Variants in FAM162A observed in about 807,000 individuals in gnomAD.
FAM162A encodes the protein family with sequence similarity 162 member A.
FAM162A carries 23 observed loss-of-function variants against 21.8 expected under a neutral mutation model. That is an observed-to-expected ratio of 1.05 (90% CI 0.76 to 1.49). The LOEUF (loss-of-function observed/expected upper bound fraction) is 1.49. Ranked by LOEUF, FAM162A falls within the 40% of genes most tolerant of loss-of-function variation. The pLI, the probability that FAM162A is intolerant of heterozygous loss-of-function variation, is 0.00. For synonymous variants in FAM162A, 53 were observed against 61.3 expected (o/e 0.86, Z 0.64); for missense variants, 165 against 186.4 (o/e 0.89, Z 0.67).
chr3:122,389,167 TGAA>T (rs2075587974), intron 1 of FAM162A, among the ~76,000 whole-genome samples: 2 of 152,108 alleles, frequency 1.3e-5, no homozygotes, highest in African/African-American at 4.8e-5. Context: ...GGTGGTGAAG[TGAA>T]GTAGTAGATA....
chr3:122,389,752 C>T (rs2075592393), intron 1 of FAM162A, among the ~76,000 whole-genome samples: 1 of 152,112 alleles, frequency 6.6e-6, no homozygotes, highest in Admixed American at 6.5e-5. Context: ...TAGGAAAGGT[C>T]TGAAAAGAAA....
chr3:122,409,012 C>T (rs1183730592), intron 4 of FAM162A, among the ~76,000 whole-genome samples: 1 of 151,980 alleles, frequency 6.6e-6, no homozygotes, highest in Non-Finnish European at 1.5e-5. Flanking sequence ...CTTTCTCCCC[C>T]CGCTCCCCCA....
At chr3:122,391,720 A>G (rs1172153170) in intron 1 of FAM162A, among the ~76,000 whole-genome samples, 1 of 152,164 alleles carries the variant, frequency 6.6e-6, no homozygotes, top group Non-Finnish European at 1.5e-5. Flanking sequence ...CCTTCTCTTT[A>G]TGGGCTCTAG....
chr3:122,399,669 G>C (rs1463324482), intron 1 of FAM162A, among the ~76,000 whole-genome samples: 2 of 152,150 alleles, frequency 1.3e-5, no homozygotes. Flanking sequence ...GGGTCTAATG[G>C]TAGTTCTGTT....
intron 1 of FAM162A, among the ~76,000 whole-genome samples, chr3:122,391,689 A>G (rs979726270): frequency 1.3e-5 from 2 of 152,196 alleles, no homozygotes; most frequent in Non-Finnish European, 1.5e-5. Flanking sequence ...CCCATTATTC[A>G]TTCTGTTCTG....
chr3:122,404,306 A>C lies in FAM162A; in HGVS notation c.206A>C (p.Lys69Thr). 1 of 1,609,600 alleles carries C rather than the reference A, an allele frequency of 6.2e-7. No homozygotes were observed. The highest frequency in any genetic ancestry group is 1.1e-5 in the South Asian group (1 of 90,324). Residue 69 changes from lysine to threonine, a missense_variant, in exon 3 of 5, where the codon AAG becomes ACG. Lys to Thr is a moderately conservative substitution (Grantham distance 78). Transcript: ENST00000477892. ...CACAAACCTACGGATTGGCAGAAAA[A>C]GATCCTCATATGGTCAGGTCGCTTC... ...PLHKPTDWQKKILIWSGRFKK... is the reference protein window; with the variant it reads ...PLHKPTDWQKTILIWSGRFKK...
intron 1 of FAM162A, among the ~76,000 whole-genome samples, chr3:122,391,055 T>C (rs1407234564): frequency 6.6e-6 from 1 of 152,216 alleles, no homozygotes; most frequent in Non-Finnish European, 1.5e-5. Flanking sequence ...TTCTGTCTCT[T>C]TGAGAGAAAA....
chr3:122,397,118 GTAT>G (rs2075632100), intron 1 of FAM162A, among the ~76,000 whole-genome samples: 2 of 152,168 alleles, frequency 1.3e-5, no homozygotes, highest in South Asian at 2.1e-4. Flanking sequence ...ATCAATAAAA[GTAT>G]TATTTTAAAA....
rs1035395971 is a variant in FAM162A, at chr3:122,393,829, G to A, written c.35-8931G>A. Among the ~76,000 whole-genome samples the A allele has an allele frequency of 2.0e-5, 3 of 152,164 alleles. No individual in the cohort carries two copies. The East Asian group carries it at 5.8e-4, about 29-fold the overall frequency. The stretch of plus-strand genomic sequence containing the variant: ...GTGTAAGGTTGGACACATTTTCCAG[G>A]AAAAACCTGAGAGGTCTCTAAGCTC... On this transcript the variant is annotated intron_variant, in intron 1 of 4. Transcript: ENST00000477892.
At chr3:122,384,558 C>T (rs894400410) in intron 1 of FAM162A, among the ~76,000 whole-genome samples, 5 of 152,104 alleles carry the variant, frequency 3.3e-5, no homozygotes, top group African/African-American at 7.2e-5. Context: ...CGCGCCTACC[C>T]TTCTCCCCAC....
At chr3:122,392,547 T>A (rs377168981) in intron 1 of FAM162A, among the ~76,000 whole-genome samples, 11 of 152,330 alleles carry the variant, frequency 7.2e-5, no homozygotes, top group African/African-American at 2.6e-4. Flanking sequence ...CAAAGTATAG[T>A]CCAGAACCAG....
chr3:122,384,544 C>A (rs2075564501), intron 1 of FAM162A, among the ~76,000 whole-genome samples: 2 of 152,142 alleles, frequency 1.3e-5, no homozygotes, highest in South Asian at 4.1e-4. Flanking sequence ...AACTTAACTG[C>A]CCACGCGCCT....
intron 1 of FAM162A, among the ~76,000 whole-genome samples, chr3:122,398,808 T>TA (rs1250945818): frequency 1.3e-5 from 2 of 152,220 alleles, no homozygotes; most frequent in Non-Finnish European, 2.9e-5. Context: ...ATTATATTAG[T>TA]ATTTCAGATA....
In FAM162A at chr3:122,384,238, G is replaced by C. The variant is rs1378975862; in HGVS notation, c.-28G>C. The C allele has an allele frequency of 1.9e-6, 3 of 1,563,574 alleles. No homozygotes were observed. The highest frequency in any genetic ancestry group is 2.6e-6 in the Non-Finnish European group (3 of 1,154,382). On this transcript the variant is annotated 5_prime_UTR_variant, in exon 1 of 5. Coordinates refer to ENST00000477892, the MANE Select transcript of FAM162A (RefSeq NM_014367.4). ...GCGCCACCGTCCCCGGCGAAGTTCTGCGCTGGTCGGCGGAGTAGCAAGTGG... is the reference window on the plus strand; with the variant it reads ...GCGCCACCGTCCCCGGCGAAGTTCTCCGCTGGTCGGCGGAGTAGCAAGTGG...
intron 1 of FAM162A, among the ~76,000 whole-genome samples, chr3:122,393,100 T>A (rs2075611409): frequency 6.6e-6 from 1 of 152,180 alleles, no homozygotes; most frequent in South Asian, 2.1e-4. Context: ...GATGTTGTGT[T>A]TGCCAGATCC....
intron 4 of FAM162A, chr3:122,407,720 CAG>C (rs1170580400): frequency 5.2e-6 from 2 of 384,600 alleles, no homozygotes; most frequent in Non-Finnish European, 9.4e-6. Context: ...TGCATATTTC[CAG>C]AGTGCTCTTG....
At chr3:122,409,392 C>T (rs1004734645) in intron 4 of FAM162A, among the ~76,000 whole-genome samples, 4 of 151,378 alleles carry the variant, frequency 2.6e-5, no homozygotes, top group East Asian at 1.9e-4. Context: ...AGAAGAAAAA[C>T]GGGATAGAAA....
In FAM162A at chr3:122,384,312, T is replaced by C. The variant is rs761296545; in HGVS notation, c.34+13T>C. On this transcript the variant is annotated intron_variant, in intron 1 of 4. Transcript: ENST00000477892. Reference sequence around the variant, plus strand: ...CGCCTGGCAGCAGGTGAGACGCCGGTCGGGATATGGGAGGTAGGGGAGCTG... The same window carrying C: ...CGCCTGGCAGCAGGTGAGACGCCGGCCGGGATATGGGAGGTAGGGGAGCTG... 46 of 1,572,600 alleles carry C rather than the reference T, an allele frequency of 2.9e-5. No individual in the cohort carries two copies. The highest frequency in any genetic ancestry group is 7.8e-6 in the Non-Finnish European group (9 of 1,159,292).
At chr3:122,402,537 A>G (rs2075657592) in intron 1 of FAM162A, among the ~76,000 whole-genome samples, 1 of 152,198 alleles carries the variant, frequency 6.6e-6, no homozygotes, top group South Asian at 2.1e-4. Context: ...TAACATTTTT[A>G]TGTTGTAAAT....
Sources: gnomAD v4.1 joint callset for allele counts (sites outside exome capture counted in the v4.1 genomes callset) on GRCh38, gnomAD v4.1.1 for gene constraint, MANE v1.5 for transcripts, NCBI Gene and HGNC (gene_info 2026-07-23, HGNC 2026-07-21) for gene names.